The following FGF14 variants were observed in gnomAD, a reference collection of about 807,000 sequenced individuals.
FGF14 encodes fibroblast growth factor homologous factor 4.
A neutral mutation model predicts 25.5 loss-of-function variants in FGF14; 5 were observed. That is an observed-to-expected ratio of 0.20 (90% CI 0.10 to 0.41). FGF14 has a LOEUF of 0.41. Ranked by LOEUF, FGF14 falls within the 10% of genes least tolerant of loss-of-function variation. The pLI, the probability that FGF14 is intolerant of heterozygous loss-of-function variation, is 1.00. For missense variants in FGF14, 222 were observed against 320.1 expected (o/e 0.69, Z 2.34); for synonymous variants, 138 against 118.3 (o/e 1.17, Z -1.08).
intron 3 of FGF14, among the ~76,000 whole-genome samples, chr13:101,775,965 C>T (rs1455126171): frequency 2.6e-5 from 4 of 151,964 alleles, no homozygotes; most frequent in Non-Finnish European, 5.9e-5. Context: ...AATGTTTTTC[C>T]AAGATAAAGA....
chr13:102,081,785 G>A (rs955564917), intron 1 of FGF14, among the ~76,000 whole-genome samples: 6 of 151,948 alleles, frequency 3.9e-5, no homozygotes, highest in Non-Finnish European at 7.4e-5. Context: ...GGTAAAATGC[G>A]CCAAAACTTT....
intron 1 of FGF14, among the ~76,000 whole-genome samples, chr13:102,075,553 G>A (rs2043325168): frequency 6.6e-6 from 1 of 152,236 alleles, no homozygotes; most frequent in East Asian, 1.9e-4. Flanking sequence ...CATAATAGTT[G>A]ATAATTATAA....
intron 3 of FGF14, among the ~76,000 whole-genome samples, chr13:101,797,774 T>TGTGTGTGTGTGTGTGTGC (rs1566914293): frequency 6.8e-6 from 1 of 147,322 alleles, no homozygotes; most frequent in African/African-American, 2.5e-5. Context: ...TGTGTGTGTG[T>TGTGTGTGTGTGTGTGTGC]GTGTGTGTTC....
chr13:101,737,160 G>A (rs1364195172), intron 3 of FGF14, among the ~76,000 whole-genome samples: 1 of 150,238 alleles, frequency 6.7e-6, no homozygotes, highest in South Asian at 2.1e-4. Flanking sequence ...AAAGATAAAG[G>A]GAGGCATAAT....
At chr13:102,174,414 C>T (rs2048364610) in intron 1 of FGF14, among the ~76,000 whole-genome samples, 1 of 151,958 alleles carries the variant, frequency 6.6e-6, no homozygotes, top group Non-Finnish European at 1.5e-5. Context: ...GACCCACCCA[C>T]CTCAGCCTCC....
intron 1 of FGF14, among the ~76,000 whole-genome samples, chr13:102,043,463 C>T (rs61966519): frequency 0.066 from 10,013 of 152,160 alleles, 660 homozygotes; most frequent in African/African-American, 0.17. Flanking sequence ...GGCAAAACCT[C>T]CAAACAATTT....
intron 1 of FGF14, among the ~76,000 whole-genome samples, chr13:102,041,054 C>T (rs1315857379): frequency 6.6e-6 from 1 of 151,918 alleles, no homozygotes; most frequent in African/African-American, 2.4e-5. Flanking sequence ...GAACTCCACT[C>T]AAGTCGGTGA....
At chr13:102,031,469 C>T (rs1054849712) in intron 1 of FGF14, among the ~76,000 whole-genome samples, 3 of 151,992 alleles carry the variant, frequency 2.0e-5, no homozygotes, top group African/African-American at 7.2e-5. Context: ...ACTATAAAGC[C>T]ATGCTTTTTT....
chr13:102,328,761 G>A (rs549571545), intron 1 of FGF14, among the ~76,000 whole-genome samples: 12 of 152,178 alleles, frequency 7.9e-5, no homozygotes, highest in Non-Finnish European at 1.6e-4. Context: ...TTAAGATGGA[G>A]CCCTAACAAA....
chr13:102,067,692 C>T (rs1349251705), intron 1 of FGF14, among the ~76,000 whole-genome samples: 1 of 149,622 alleles, frequency 6.7e-6, no homozygotes, highest in Non-Finnish European at 1.5e-5. Flanking sequence ...TACTTACTGG[C>T]CTTAAAGAGG....
At chr13:101,871,328 G>C (rs1017883434) in intron 2 of FGF14, among the ~76,000 whole-genome samples, 8 of 152,084 alleles carry the variant, frequency 5.3e-5, no homozygotes, top group African/African-American at 1.9e-4. Flanking sequence ...TCATAACATA[G>C]AATGGCCAGG....
intron 3 of FGF14, among the ~76,000 whole-genome samples, chr13:101,797,333 A>T (rs1004319505): frequency 6.6e-6 from 1 of 152,120 alleles, no homozygotes; most frequent in South Asian, 2.1e-4. Flanking sequence ...ATGGTTCCTC[A>T]AAGAGTACTT....
chr13:101,960,743 T>A (rs2036801656), intron 1 of FGF14, among the ~76,000 whole-genome samples: 1 of 152,176 alleles, frequency 6.6e-6, no homozygotes. Context: ...GTATTTCTGG[T>A]TCTAGGTCTT....
In FGF14 at chr13:102,400,619, A is replaced by G. The variant is rs565555773; in HGVS notation, c.208+852T>C. 6.6e-6 allele frequency among the ~76,000 whole-genome samples: 1 copy of G among 152,246 alleles called. No homozygotes were observed. Among genetic ancestry groups the G allele is most frequent in the South Asian group, 2.1e-4 (1 of 4,828 alleles). Reference sequence around the variant, plus strand: ...GACTCCCCAAATCAGATGCATTTGCATTTCTTATGTAATGTACTGCAAGTT... The same window carrying G: ...GACTCCCCAAATCAGATGCATTTGCGTTTCTTATGTAATGTACTGCAAGTT... On this transcript the variant is annotated intron_variant, in intron 1 of 4. Transcript: ENST00000376131. The surrounding 1 kb of genome is among the most constrained non-coding windows in gnomAD (Gnocchi z 4.3).
At chr13:102,052,105 T>C (rs2042237232) in intron 1 of FGF14, among the ~76,000 whole-genome samples, 1 of 152,086 alleles carries the variant, frequency 6.6e-6, no homozygotes, top group African/African-American at 2.4e-5. Flanking sequence ...ATACAGTTAA[T>C]GAAATGAAAA....
chr13:101,974,016 T>A (rs2037774731), intron 1 of FGF14, among the ~76,000 whole-genome samples: 1 of 152,244 alleles, frequency 6.6e-6, no homozygotes, highest in African/African-American at 2.4e-5. Flanking sequence ...TATAATTCAT[T>A]GCAATCTTTG....
intron 1 of FGF14, among the ~76,000 whole-genome samples, chr13:102,130,964 C>A (rs1330877590): frequency 6.6e-6 from 1 of 152,150 alleles, no homozygotes; most frequent in Non-Finnish European, 1.5e-5. Context: ...CCACTTTTTG[C>A]TTAAATGGAA....
intron 1 of FGF14, chr13:102,300,104 A>C (rs1473876080): frequency 6.6e-6 from 1 of 152,170 alleles, no homozygotes; most frequent in Non-Finnish European, 1.5e-5. Flanking sequence ...ATATAATTTA[A>C]AATCAGCCGT....
intron 3 of FGF14, among the ~76,000 whole-genome samples, chr13:101,852,193 C>T (rs141439295): frequency 1.3e-5 from 2 of 152,142 alleles, no homozygotes; most frequent in Admixed American, 6.6e-5. Context: ...CACTGCAATT[C>T]TGAAATGCCA....
Sources: gnomAD v4.1 joint callset for allele counts (sites outside exome capture counted in the v4.1 genomes callset) on GRCh38, gnomAD v4.1.1 for gene constraint, Gnocchi (gnomAD v3.1) non-coding constraint, MANE v1.5 for transcripts, NCBI Gene and HGNC (gene_info 2026-07-23, HGNC 2026-07-21) for gene names.